PTPN23: variants seen among roughly 807,000 people sequenced by gnomAD.
The protein encoded by PTPN23 is tyrosine-protein phosphatase non-receptor type 23.
PTPN23 carries 72 observed loss-of-function variants against 156.3 expected under a neutral mutation model. That is an observed-to-expected ratio of 0.46 (90% CI 0.38 to 0.56). PTPN23 has a LOEUF of 0.56. Ranked by LOEUF, PTPN23 falls within the 20% of genes least tolerant of loss-of-function variation. PTPN23 has a pLI of 0.00. For missense variants in PTPN23, 1,974 were observed against 2,171.5 expected (o/e 0.91, Z 1.81); for synonymous variants, 957 against 899.6 (o/e 1.06, Z -1.14).
Position 47,411,713 on chromosome 3 carries a change from A to G in PTPN23, c.3888+27A>G. ...TGAGAAGAGGGGGTGGGTGCCCACG[A>G]GGGCAGTGTGGGGTGGCAGGGCAGG... On this transcript the variant is annotated intron_variant, in intron 20 of 24. Transcript: ENST00000265562. The surrounding 1 kb of genome is among the most constrained non-coding windows in gnomAD (Gnocchi z 6.3). The G allele has an allele frequency of 6.3e-7, 1 of 1,595,752 alleles. No homozygotes were observed. Among genetic ancestry groups the G allele is most frequent in the Middle Eastern group, 1.7e-4 (1 of 6,010 alleles).
rs2107731614 is a variant in PTPN23 at position 47,413,354 on chromosome 3, T to C, written c.*169T>C. On this transcript the variant is annotated 3_prime_UTR_variant, in exon 25 of 25. Coordinates refer to ENST00000265562, the MANE Select transcript of PTPN23 (RefSeq NM_015466.4). ...TGTGGGGTGGAAATGTACTGCAGGC[T>C]CTGGGTCAGGTTCTGCTCCTTTATG... is the stretch of plus-strand genomic sequence containing the variant. 2.2e-6 allele frequency: 2 copies of C among 926,116 alleles called. No homozygotes were observed. Among genetic ancestry groups the C allele is most frequent in the South Asian group, 3.6e-5 (2 of 55,070 alleles). The allele number at this position is 926,116 out of a possible 1,614,324, so 57.4% of individuals were successfully genotyped here. A position where few individuals can be genotyped will look rare whatever the true frequency, so the allele number is the denominator to read the frequency against.
At chr3:47,381,864 C>T (rs1157237713) in intron 1 of PTPN23, among the ~76,000 whole-genome samples, 2 of 152,140 alleles carry the variant, frequency 1.3e-5, no homozygotes, top group Non-Finnish European at 2.9e-5. Context: ...GTTGGAAGAA[C>T]AGACGGGCAG....
chr3:47,411,356 G>T lies in PTPN23; in HGVS notation c.3558G>T (p.Gly1186=), dbSNP rs1705284416. ...TGGAGGCCTTTCGGGGTCAGCTGGG[G>T]GATGTGGGAGCTCTGGACACTGTCT... ...QELEAFRGQL[G]DVGALDTVWR... The change falls in exon 20 of 25, where the codon GGG becomes GGT. Residue 1186 remains glycine, a synonymous_variant. Transcript: ENST00000265562. The surrounding 1 kb of genome is among the most constrained non-coding windows in gnomAD (Gnocchi z 6.3). 1 of 1,612,998 alleles carries T rather than the reference G, an allele frequency of 6.2e-7. No homozygotes were observed. The highest frequency in any genetic ancestry group is 8.5e-7 in the Non-Finnish European group (1 of 1,180,032).
In PTPN23 at chr3:47,411,904, A is replaced by G. The variant is rs1431619929; in HGVS notation, c.4010A>G (p.Gln1337Arg). 45 of 1,613,132 alleles carry G rather than the reference A, an allele frequency of 2.8e-5. No individual in the cohort carries two copies. Among genetic ancestry groups the G allele is most frequent in the Non-Finnish European group, 3.8e-5 (45 of 1,179,996 alleles). ...CATGTGGAGCGCGTGCTGAGCCTGC[A>G]GTTCCGAGACCAGAGCCTCAAGCGC... ...ETHVERVLSL[Q>R]FRDQSLKRSL... Residue 1337 changes from glutamine to arginine, a missense_variant, in exon 21 of 25, where the codon CAG becomes CGG. This residue lies in a region of PTPN23 where 484 missense variants were observed against 516.0 expected (regional missense o/e 0.94). Coordinates refer to ENST00000265562, the MANE Select transcript of PTPN23 (RefSeq NM_015466.4). The surrounding 1 kb of genome is among the most constrained non-coding windows in gnomAD (Gnocchi z 6.3).
At chr3:47,384,184 G>T (rs1386167863) in intron 1 of PTPN23, among the ~76,000 whole-genome samples, 1 of 151,012 alleles carries the variant, frequency 6.6e-6, no homozygotes, top group Non-Finnish European at 1.5e-5. Context: ...AGAAGTATTT[G>T]TAGGCCGGGT....
intron 1 of PTPN23, among the ~76,000 whole-genome samples, chr3:47,386,741 T>C (rs540098841): frequency 6.6e-6 from 1 of 152,336 alleles, no homozygotes; most frequent in Admixed American, 6.5e-5. Flanking sequence ...GTCTTATCTC[T>C]TGTCACAGAT....
chr3:47,396,285 C>A, intron 2 of PTPN23, 68 bp downstream of exon 2: 1 of 1,348,602 alleles, frequency 7.4e-7, no homozygotes, highest in Non-Finnish European at 1.0e-6. Context: ...GATAAAGAAA[C>A]TGCCTAGGCT....
In PTPN23 at chr3:47,411,392, G is replaced by T; in HGVS notation, c.3594G>T (p.Leu1198=). The T allele has an allele frequency of 6.2e-7, 1 of 1,613,040 alleles. No homozygotes were observed. Among genetic ancestry groups the T allele is most frequent in the Non-Finnish European group, 8.5e-7 (1 of 1,180,034 alleles). The change falls in exon 20 of 25, where the codon CTG becomes CTT. Residue 1198 remains leucine, a synonymous_variant. Transcript: ENST00000265562. This position sits in a 1 kb window ranked among gnomAD's most constrained non-coding sequence, Gnocchi z 6.3. The stretch of plus-strand genomic sequence containing the variant: ...CTCTGGACACTGTCTGGCGAGAGCT[G>T]CAAGATGCGCAGGAACATGATGCCC... ...VGALDTVWRE[L]QDAQEHDARG... is the part of the protein sequence containing the mutation.
intron 1 of PTPN23, among the ~76,000 whole-genome samples, chr3:47,383,225 T>C (rs554453580): frequency 6.6e-6 from 1 of 152,330 alleles, no homozygotes; most frequent in African/African-American, 2.4e-5. Context: ...TTTCCTCTTC[T>C]GTGCCGTTGG....
In PTPN23 at chr3:47,411,282, C is replaced by T. The variant is rs147400377; in HGVS notation, c.3484C>T (p.Arg1162Trp). ...RRPQALRLIE[R>W]DPYEHPERLR... is the part of the protein sequence containing the mutation. ...GCCGCAGGCCCTGCGGCTGATTGAGCGGGACCCCTATGAGCATCCTGAGAG... is the reference window on the plus strand; with the variant it reads ...GCCGCAGGCCCTGCGGCTGATTGAGTGGGACCCCTATGAGCATCCTGAGAG... The change falls in exon 20 of 25, where the codon CGG becomes TGG. Residue 1162 changes from arginine to tryptophan, a missense_variant. Arg to Trp is a moderately radical substitution (Grantham distance 101, BLOSUM62 -3). This residue lies in a region of PTPN23 where 731 missense variants were observed against 669.1 expected (regional missense o/e 1.09). Transcript: ENST00000265562. This position sits in a 1 kb window ranked among gnomAD's most constrained non-coding sequence, Gnocchi z 6.3. 707 of 1,611,548 alleles carry T rather than the reference C, an allele frequency of 4.4e-4. 4 individuals are homozygous for T. The Middle Eastern group carries it at 5.3e-3, about 12-fold the overall frequency.
In PTPN23 at chr3:47,411,697, G is replaced by A; in HGVS notation, c.3888+11G>A. Reference sequence around the variant, plus strand: ...GCTGAGATGGAGAAGGTGAGAAGAGGGGGTGGGTGCCCACGAGGGCAGTGT... The same window carrying A: ...GCTGAGATGGAGAAGGTGAGAAGAGAGGGTGGGTGCCCACGAGGGCAGTGT... On this transcript the variant is annotated intron_variant, in intron 20 of 24. Coordinates refer to ENST00000265562, the MANE Select transcript of PTPN23 (RefSeq NM_015466.4). The surrounding 1 kb of genome is among the most constrained non-coding windows in gnomAD (Gnocchi z 6.3). The A allele has an allele frequency of 6.3e-7, 1 of 1,599,916 alleles. No homozygotes were observed. The highest frequency in any genetic ancestry group is 8.5e-7 in the Non-Finnish European group (1 of 1,170,236).
At position 47,407,463 on chromosome 3, in the gene PTPN23, G is replaced by GA; in HGVS notation, c.924-41dup. The GA allele has an allele frequency of 1.9e-6, 3 of 1,607,454 alleles. No individual in the cohort carries two copies. Among genetic ancestry groups the GA allele is most frequent in the Non-Finnish European group, 2.6e-6 (3 of 1,174,108 alleles). On this transcript the variant is annotated intron_variant, in intron 11 of 24. Transcript: ENST00000265562. The surrounding 1 kb of genome is among the most constrained non-coding windows in gnomAD (Gnocchi z 4.0). ...GGGAAGTAGGTTCTGGATCCCCACTGACACCCCGTGACTGCCCACTCCCCC... is the reference window on the plus strand; with the variant it reads ...GGGAAGTAGGTTCTGGATCCCCACTGAACACCCCGTGACTGCCCACTCCCCC...
Position 47,410,381 on chromosome 3 carries a change from C to A in PTPN23, c.2583C>A (p.Pro861=). 1 of 1,611,078 alleles carries A rather than the reference C, an allele frequency of 6.2e-7. No individual in the cohort carries two copies. The highest frequency in any genetic ancestry group is 2.2e-5 in the East Asian group (1 of 44,772). The change falls in exon 20 of 25, where the codon CCC becomes CCA. Residue 861 remains proline, a synonymous_variant. Transcript: ENST00000265562. ...VGPAPPVAGL[P]SAPPPQFSGP... ...CGGCCCCACCAGTTGCAGGTCTCCC[C>A]TCGGCCCCACCTCCTCAATTCTCAG...
In PTPN23 at chr3:47,413,402, T is replaced by TTGC; in HGVS notation, c.*219_*221dup. On this transcript the variant is annotated 3_prime_UTR_variant, in exon 25 of 25. Transcript: ENST00000265562. Reference sequence around the variant, plus strand: ...ATGGGACCCGACATTTTTCAGCTCTTTGCTATTGAAATAATAAACCACCCT... The same window carrying TTGC: ...ATGGGACCCGACATTTTTCAGCTCTTTGCTGCTATTGAAATAATAAACCACCCT... 1 of 618,664 alleles carries TTGC rather than the reference T, an allele frequency of 1.6e-6. No homozygotes were observed. The highest frequency in any genetic ancestry group is 2.5e-5 in the South Asian group (1 of 40,254). The allele number at this position is 618,664 out of a possible 1,614,324, so 38.3% of individuals were successfully genotyped here.
intron 2 of PTPN23, among the ~76,000 whole-genome samples, chr3:47,398,857 A>G (rs1704935401): frequency 6.6e-6 from 1 of 152,196 alleles, no homozygotes; most frequent in Non-Finnish European, 1.5e-5. Context: ...GAGCCGCAGC[A>G]CCCGGCCTTG....
intron 1 of PTPN23, 84 bp downstream of exon 1, chr3:47,381,264 ACCT>A (rs1704531557): frequency 4.6e-6 from 7 of 1,519,986 alleles, no homozygotes; most frequent in Non-Finnish European, 5.3e-6. Flanking sequence ...CGCGCCCATC[ACCT>A]CCTCAGGCCC....
rs2107720594 is a variant in PTPN23 at position 47,409,579 on chromosome 3, A to G, written c.1949+11A>G. 6.2e-7 allele frequency: 1 copy of G among 1,613,048 alleles called. No homozygotes were observed. The highest frequency in any genetic ancestry group is 8.5e-7 in the Non-Finnish European group (1 of 1,179,274). ...CGACTTGGACCAAAAGTCAGTGCCCAGTCCTCTGCTCTTTCCCGGAGCCAC... is the reference window on the plus strand; with the variant it reads ...CGACTTGGACCAAAAGTCAGTGCCCGGTCCTCTGCTCTTTCCCGGAGCCAC... On this transcript the variant is annotated intron_variant, in intron 18 of 24. Coordinates refer to ENST00000265562, the MANE Select transcript of PTPN23 (RefSeq NM_015466.4).
chr3:47,397,961 G>C (rs568825569), intron 2 of PTPN23, among the ~76,000 whole-genome samples: 1 of 151,868 alleles, frequency 6.6e-6, no homozygotes, highest in South Asian at 2.1e-4. Context: ...GTGAGCCACC[G>C]CGCCCCGCCT....
rs1219735762 is a variant in PTPN23, at chr3:47,381,028, G to A, written c.-69G>A. 6.5e-7 allele frequency: 1 copy of A among 1,547,792 alleles called. No individual in the cohort carries two copies. Among genetic ancestry groups the A allele is most frequent in the Non-Finnish European group, 8.7e-7 (1 of 1,145,636 alleles). On this transcript the variant is annotated 5_prime_UTR_variant, in exon 1 of 25. Coordinates refer to ENST00000265562, the MANE Select transcript of PTPN23 (RefSeq NM_015466.4). ...CTTCCGGCACGAAGGGGCGGGGCTG[G>A]GCTCGTGGCTGAGCCAGCAGCTGCA...
Sources: allele counts gnomAD v4.1 joint callset (sites outside exome capture counted in the v4.1 genomes callset), GRCh38; gene constraint gnomAD v4.1.1; regional missense constraint gnomAD v4.1.1; non-coding constraint Gnocchi (gnomAD v3.1); transcripts MANE v1.5; gene names NCBI Gene and HGNC (gene_info 2026-07-23, HGNC 2026-07-21).